Variants in THRB observed in about 807,000 individuals in gnomAD.
THRB encodes the protein nuclear receptor subfamily 1 group A member 2.
THRB carries 12 observed loss-of-function variants against 47.8 expected under a neutral mutation model. The ratio of observed to expected loss-of-function variants is 0.25; its 90% confidence interval spans 0.16 to 0.41. The LOEUF is 0.41. Among genes scored for constraint, THRB ranks in the 10% least tolerant of loss-of-function variants. THRB has a pLI of 1.00. For missense variants in THRB, 348 were observed against 589.2 expected, an observed-to-expected ratio of 0.59 and a Z score of 4.24; for synonymous variants, 218 against 212.2, an observed-to-expected ratio of 1.03 and a Z score of -0.24.
At chr3:24,373,437 T>C (rs572718007) in intron 1 of THRB, among the ~76,000 whole-genome samples, 1 of 152,206 alleles carries the variant, frequency 6.6e-6, no homozygotes, top group Non-Finnish European at 1.5e-5. Flanking sequence ...ATGCAGACAC[T>C]CCAGGTCCTC....
At chr3:24,432,096 T>A (rs1368625777) in intron 1 of THRB, among the ~76,000 whole-genome samples, 2 of 152,088 alleles carry the variant, frequency 1.3e-5, no homozygotes, top group Admixed American at 1.3e-4. Flanking sequence ...AATATTCTAC[T>A]TCCTAAAATG....
chr3:24,143,744 G>T (rs1484437026), intron 7 of THRB, 38 bp from the exon 8 acceptor site: 2 of 1,603,504 alleles, frequency 1.2e-6, no homozygotes, highest in Non-Finnish European at 1.7e-6. Flanking sequence ...GCACACAGAT[G>T]CTCCCAAGAT....
intron 8 of THRB, among the ~76,000 whole-genome samples, chr3:24,134,901 G>A (rs2034417101): frequency 6.6e-6 from 1 of 152,208 alleles, no homozygotes; most frequent in African/African-American, 2.4e-5. Context: ...AGTGAGATGA[G>A]CAAAATAGAA....
chr3:24,481,552 C>G (rs756320204), intron 1 of THRB, among the ~76,000 whole-genome samples: 6 of 151,966 alleles, frequency 3.9e-5, no homozygotes, highest in Non-Finnish European at 8.8e-5. Context: ...AGAAATATCT[C>G]ATTGACAAAT....
chr3:24,392,307 T>C (rs921859529), intron 1 of THRB, among the ~76,000 whole-genome samples: 3 of 152,136 alleles, frequency 2.0e-5, no homozygotes, highest in African/African-American at 7.2e-5. Context: ...TTGATACCTG[T>C]AGACAATGTG....
chr3:24,202,985 G>A (rs73037680), intron 4 of THRB, among the ~76,000 whole-genome samples: 13,102 of 152,250 alleles, frequency 0.086, 697 homozygotes, highest in Non-Finnish European at 0.12. Context: ...GATGGCAAAT[G>A]GGAACTCTTG....
intron 1 of THRB, among the ~76,000 whole-genome samples, chr3:24,462,930 G>A (rs2073826683): frequency 6.6e-6 from 1 of 152,204 alleles, no homozygotes; most frequent in Non-Finnish European, 1.5e-5. Context: ...TTCTATGCAT[G>A]AGCAAGAACA....
intron 1 of THRB, among the ~76,000 whole-genome samples, chr3:24,489,622 C>T (rs1560316450): frequency 6.6e-6 from 1 of 152,304 alleles, no homozygotes; most frequent in East Asian, 1.9e-4. Context: ...CACAGCAGAA[C>T]TCAGTTTCTC....
At chr3:24,467,087 T>A (rs1181519314) in intron 1 of THRB, among the ~76,000 whole-genome samples, 1 of 152,252 alleles carries the variant, frequency 6.6e-6, no homozygotes, top group East Asian at 1.9e-4. Context: ...CTAAATCCTT[T>A]GTTGTCACTT....
chr3:24,444,139 A>G (rs2071827850), intron 1 of THRB, among the ~76,000 whole-genome samples: 1 of 152,144 alleles, frequency 6.6e-6, no homozygotes, highest in Non-Finnish European at 1.5e-5. Flanking sequence ...ACAAGATAAG[A>G]GTAGAATGCC....
At chr3:24,152,575 A>G (rs2037131343) in intron 5 of THRB, 85 bp from the exon 6 acceptor site, 3 of 784,018 alleles carry the variant, frequency 3.8e-6, no homozygotes, top group Non-Finnish European at 6.8e-6. Context: ...TAGGCCAGAG[A>G]CAAAATTGGC....
At chr3:24,288,425 A>G (rs2055560088) in intron 3 of THRB, among the ~76,000 whole-genome samples, 2 of 152,232 alleles carry the variant, frequency 1.3e-5, no homozygotes, top group African/African-American at 4.8e-5. Flanking sequence ...ACAAAATTCT[A>G]GAACTAGGTT....
intron 1 of THRB, among the ~76,000 whole-genome samples, chr3:24,435,987 T>C (rs2070904723): frequency 6.6e-6 from 1 of 152,164 alleles, no homozygotes; most frequent in Admixed American, 6.5e-5. Context: ...AAATGTGCCC[T>C]TCAGAGCAGT....
chr3:24,119,648 A>G lies in THRB; in HGVS notation c.*3236T>C, dbSNP rs897651273. ...AGTCCACCCCAGGCCTGCACTGCACACTGAAGAGCTGTCGCCCGGGGCACA... is the reference window on the plus strand; with the variant it reads ...AGTCCACCCCAGGCCTGCACTGCACGCTGAAGAGCTGTCGCCCGGGGCACA... On this transcript the variant is annotated 3_prime_UTR_variant, in exon 11 of 11. Transcript: ENST00000646209. The G allele has an allele frequency of 1.3e-5, 2 of 152,212 alleles. No individual in the cohort carries two copies. Among genetic ancestry groups the G allele is most frequent in the Non-Finnish European group, 2.9e-5 (2 of 68,104 alleles). The allele number at this position is 152,212 out of a possible 1,614,324, so 9.4% of individuals were successfully genotyped here. A position where few individuals can be genotyped will look rare whatever the true frequency, so the allele number is the denominator to read the frequency against.
chr3:24,156,178 G>A (rs2037806415), intron 5 of THRB, among the ~76,000 whole-genome samples: 1 of 152,210 alleles, frequency 6.6e-6, no homozygotes, highest in South Asian at 2.1e-4. Flanking sequence ...GACTTGTCAT[G>A]TAGAAGGGGA....
chr3:24,452,112 G>T (rs1200962915), intron 1 of THRB, among the ~76,000 whole-genome samples: 1 of 152,212 alleles, frequency 6.6e-6, no homozygotes, highest in Non-Finnish European at 1.5e-5. Flanking sequence ...GGGCTGGGGA[G>T]TAAGCTTTCA....
intron 1 of THRB, among the ~76,000 whole-genome samples, chr3:24,367,653 C>T (rs2064574173): frequency 1.3e-5 from 2 of 152,216 alleles, no homozygotes; most frequent in South Asian, 4.1e-4. Flanking sequence ...TTGTAACATG[C>T]TTTGTTGCTA....
At chr3:24,173,793 TCA>T (rs2040764294) in intron 5 of THRB, among the ~76,000 whole-genome samples, 1 of 152,204 alleles carries the variant, frequency 6.6e-6, no homozygotes, top group African/African-American at 2.4e-5. Context: ...GGTGAAGCCA[TCA>T]GTGTCTACAG....
rs1446032052 is a variant in THRB at position 24,120,274 on chromosome 3, A to G, written c.*2610T>C. Reference sequence around the variant, plus strand: ...CATGAAGTATTCAGCCTTCAACGAGATTTCCAGACCAGCAGTTTGCCTATT... The same window carrying G: ...CATGAAGTATTCAGCCTTCAACGAGGTTTCCAGACCAGCAGTTTGCCTATT... On this transcript the variant is annotated 3_prime_UTR_variant, in exon 11 of 11. Transcript: ENST00000646209. The G allele has an allele frequency of 2.6e-5, 4 of 152,218 alleles. No homozygotes were observed. Among genetic ancestry groups the G allele is most frequent in the African/African-American group, 9.7e-5 (4 of 41,448 alleles). The allele number at this position is 152,218 out of a possible 1,614,324, so 9.4% of individuals were successfully genotyped here.
Sources: gnomAD v4.1 joint callset for allele counts (sites outside exome capture counted in the v4.1 genomes callset) on GRCh38, gnomAD v4.1.1 for gene constraint, MANE v1.5 for transcripts, NCBI Gene and HGNC (gene_info 2026-07-23, HGNC 2026-07-21) for gene names.